The following ATG7 variants were observed in gnomAD, a reference collection of about 807,000 sequenced individuals.
ATG7 encodes autophagy related 7.
In ATG7, 70 loss-of-function variants were observed where a neutral mutation model predicts 82.4. The ratio of observed to expected loss-of-function variants is 0.85; its 90% CI spans 0.70 to 1.04. The LOEUF (loss-of-function observed/expected upper bound fraction) is 1.04, where lower values mean the gene tolerates loss of function less well. ATG7 is among the 50% of genes least tolerant of loss of function. ATG7 has a pLI of 0.00. For synonymous variants in ATG7, 287 were observed against 313.0 expected (o/e 0.92, Z 0.88); for missense variants, 792 against 864.3 (o/e 0.92, Z 1.05).
intron 8 of ATG7, 58 bp from the exon 9 acceptor site, chr3:11,315,286 T>C: frequency 1.1e-5 from 15 of 1,408,514 alleles, no homozygotes; most frequent in Non-Finnish European, 1.4e-5. Context: ...AGTTAGTTTT[T>C]AGCCCAGAAC....
At chr3:11,445,010 A>T (rs1008901840) in intron 20 of ATG7, among the ~76,000 whole-genome samples, 23 of 152,220 alleles carry the variant, frequency 1.5e-4, no homozygotes, top group Non-Finnish European at 3.1e-4. Context: ...AGTGAAATAC[A>T]TCTCACACCA....
At chr3:11,330,634 G>A (rs1951514084) in intron 9 of ATG7, among the ~76,000 whole-genome samples, 1 of 152,164 alleles carries the variant, frequency 6.6e-6, no homozygotes, top group Non-Finnish European at 1.5e-5. Flanking sequence ...TTGGAGAATG[G>A]TATTTAGAAG....
intron 20 of ATG7, among the ~76,000 whole-genome samples, chr3:11,459,967 C>T (rs543651357): frequency 6.6e-6 from 1 of 152,350 alleles, no homozygotes; most frequent in South Asian, 2.1e-4. Context: ...CTCTTATCCA[C>T]TGCACCATAC....
At chr3:11,340,790 C>A in intron 12 of ATG7, 55 bp downstream of exon 12, 1 of 1,499,574 alleles carries the variant, frequency 6.7e-7, no homozygotes, top group Non-Finnish European at 9.2e-7. Context: ...AAGACACACA[C>A]CAAGTTCTGT....
chr3:11,375,945 C>T (rs150101240), intron 18 of ATG7, among the ~76,000 whole-genome samples: 4 of 152,300 alleles, frequency 2.6e-5, no homozygotes, highest in African/African-American at 4.8e-5. Context: ...AGTAATTCTA[C>T]TCCTAGGTAT....
At chr3:11,470,961 G>C (rs1311568236) in intron 20 of ATG7, among the ~76,000 whole-genome samples, 1 of 152,154 alleles carries the variant, frequency 6.6e-6, no homozygotes, top group South Asian at 2.1e-4. Context: ...CATGGGATTT[G>C]TTTTCAGTGT....
rs1022974658 is a variant in ATG7, at chr3:11,556,458, C to G, written c.*1615C>G. The G allele has an allele frequency of 6.5e-6, 1 of 152,772 alleles. No homozygotes were observed. Among genetic ancestry groups the G allele is most frequent in the African/African-American group, 2.4e-5 (1 of 41,432 alleles). The allele number at this position is 152,772 out of a possible 1,614,324, so 9.5% of individuals were successfully genotyped here. The stretch of plus-strand genomic sequence containing the variant: ...AAGAGACCTGTCCCAGGAGTGTCCT[C>G]CACCGAGCCGGTCAGCTGTGGGTGG... On this transcript the variant is annotated 3_prime_UTR_variant, in exon 21 of 21. Coordinates refer to ENST00000693202, the MANE Select transcript of ATG7 (RefSeq NM_001349232.2).
At chr3:11,381,656 T>G (rs2077908038) in intron 19 of ATG7, among the ~76,000 whole-genome samples, 1 of 152,222 alleles carries the variant, frequency 6.6e-6, no homozygotes, top group African/African-American at 2.4e-5. Flanking sequence ...GCAAAATTAT[T>G]TCCTCTTGGT....
At chr3:11,437,966 ATTG>A (rs1394060489) in intron 20 of ATG7, among the ~76,000 whole-genome samples, 3 of 152,220 alleles carry the variant, frequency 2.0e-5, no homozygotes, top group Non-Finnish European at 2.9e-5. Flanking sequence ...ATTTTAAACT[ATTG>A]TTTGCTTTTT....
the ATG7 span, among the ~76,000 whole-genome samples, chr3:11,567,806 G>A: frequency 6.6e-6 from 1 of 152,130 alleles, no homozygotes; most frequent in Non-Finnish European, 1.5e-5. Flanking sequence ...TCAGTGTCCC[G>A]CTCCCTTCTA....
At position 11,460,454 on chromosome 3, in the gene ATG7, A is replaced by G. The variant is rs371122185; in HGVS notation, c.2079+33528A>G. On this transcript the variant is annotated intron_variant, in intron 20 of 20. Coordinates refer to ENST00000693202, the MANE Select transcript of ATG7 (RefSeq NM_001349232.2). ...GAGAAGGGGTCATGACTGAGCAACA[A>G]TGCCTGATGTGGGCAAGGGAGAGGG... Among the ~76,000 whole-genome samples, 6 of 152,282 alleles carry G rather than the reference A, an allele frequency of 3.9e-5. No homozygotes were observed. In the South Asian group the frequency reaches 6.2e-4, roughly 16 times the overall value.
intron 12 of ATG7, 61 bp downstream of exon 12, chr3:11,340,796 T>A: frequency 6.9e-7 from 1 of 1,459,024 alleles, no homozygotes; most frequent in Non-Finnish European, 9.5e-7. Flanking sequence ...CACACCAAGT[T>A]CTGTCAGGCC....
intron 20 of ATG7, among the ~76,000 whole-genome samples, chr3:11,475,032 T>G (rs1422627506): frequency 1.3e-3 from 198 of 147,092 alleles, no homozygotes; most frequent in Non-Finnish European, 1.9e-3. Flanking sequence ...TGACTTAACT[T>G]TTTTTTTTTT....
intron 3 of ATG7, among the ~76,000 whole-genome samples, chr3:11,289,706 C>G (rs1341923392): frequency 6.6e-6 from 1 of 152,116 alleles, no homozygotes; most frequent in Non-Finnish European, 1.5e-5. Flanking sequence ...TACCGATGCG[C>G]CCTGCAATGC....
At chr3:11,497,183 A>G (rs1448402468) in intron 20 of ATG7, among the ~76,000 whole-genome samples, 3 of 150,756 alleles carry the variant, frequency 2.0e-5, no homozygotes, top group Admixed American at 6.6e-5. Context: ...CCTTTATTGT[A>G]TATTTCTCAT....
chr3:11,432,656 AAAG>A (rs1488589679), intron 20 of ATG7, among the ~76,000 whole-genome samples: 1 of 152,186 alleles, frequency 6.6e-6, no homozygotes, highest in Non-Finnish European at 1.5e-5. Flanking sequence ...AAATAAAAAA[AAAG>A]AAGGGGACTT....
intron 1 of ATG7, among the ~76,000 whole-genome samples, chr3:11,279,890 G>A (rs987864856): frequency 6.7e-6 from 1 of 149,908 alleles, no homozygotes; most frequent in African/African-American, 2.4e-5. Context: ...CTGTTTTGTT[G>A]TCTGTTTTGG....
chr3:11,294,037 A>G (rs929444393), intron 3 of ATG7, among the ~76,000 whole-genome samples: 1 of 151,420 alleles, frequency 6.6e-6, no homozygotes. Context: ...AAAAAAAAGA[A>G]AAAGAAAGAA....
chr3:11,478,414 A>C (rs1002380869), intron 20 of ATG7, among the ~76,000 whole-genome samples: 1 of 152,226 alleles, frequency 6.6e-6, no homozygotes, highest in African/African-American at 2.4e-5. Flanking sequence ...TCTAAGGACA[A>C]GGTCCTGAAG....
Sources: gnomAD v4.1 joint callset for allele counts (sites outside exome capture counted in the v4.1 genomes callset) on GRCh38, gnomAD v4.1.1 for gene constraint, MANE v1.5 for transcripts, NCBI Gene and HGNC (gene_info 2026-07-23, HGNC 2026-07-21) for gene names.